Variants in EBF2 observed in about 807,000 individuals in gnomAD.
The protein encoded by EBF2 is transcription factor COE2.
Under a neutral mutation model 72.8 loss-of-function variants are expected in EBF2, and 21 were observed. The ratio of observed to expected loss-of-function variants is 0.29; its 90% CI spans 0.20 to 0.42. The LOEUF is 0.42. EBF2 is among the 10% of genes least tolerant of loss of function. EBF2 has a pLI of 1.00. For synonymous variants in EBF2, 299 were observed against 274.2 expected, an observed-to-expected ratio of 1.09 and a Z score of -0.89; for missense variants, 637 against 731.2, an observed-to-expected ratio of 0.87 and a Z score of 1.49.
chr8:25,893,010 G>A (rs964226088), intron 7 of EBF2, among the ~76,000 whole-genome samples: 1 of 152,286 alleles, frequency 6.6e-6, no homozygotes, highest in African/African-American at 2.4e-5. Context: ...AAGTGCTCAC[G>A]TTCTTATCAA....
intron 7 of EBF2, among the ~76,000 whole-genome samples, chr8:25,907,279 G>T (rs1447319358): frequency 6.6e-6 from 1 of 151,144 alleles, no homozygotes; most frequent in East Asian, 1.9e-4. Flanking sequence ...AATTAGCAGG[G>T]CATGATGGTG....
At chr8:25,981,611 C>T (rs572303144) in intron 6 of EBF2, among the ~76,000 whole-genome samples, 11 of 152,002 alleles carry the variant, frequency 7.2e-5, no homozygotes, top group Admixed American at 3.9e-4. Flanking sequence ...GCCTGGCCAA[C>T]GTGGCAAAAT....
intron 6 of EBF2, among the ~76,000 whole-genome samples, chr8:26,024,694 G>T (rs1398741427): frequency 3.3e-5 from 5 of 152,128 alleles, no homozygotes; most frequent in African/African-American, 1.2e-4. Flanking sequence ...TAATATCTAT[G>T]GAGTGTCTGT....
intron 10 of EBF2, 24 bp from the exon 11 acceptor site, chr8:25,862,821 T>A: frequency 6.5e-7 from 1 of 1,545,068 alleles, no homozygotes. Flanking sequence ...GTCCTCTTTC[T>A]GAGTTGGTAT....
At chr8:25,986,073 A>C (rs1804451196) in intron 6 of EBF2, among the ~76,000 whole-genome samples, 1 of 149,854 alleles carries the variant, frequency 6.7e-6, no homozygotes, top group South Asian at 2.1e-4. Context: ...ATTACATGTG[A>C]CATAGACTTA....
chr8:25,979,816 A>G (rs1223794446), intron 6 of EBF2, among the ~76,000 whole-genome samples: 1 of 152,152 alleles, frequency 6.6e-6, no homozygotes, highest in Admixed American at 6.5e-5. Context: ...ATCCCAGTAC[A>G]GATAAAGGGC....
intron 6 of EBF2, among the ~76,000 whole-genome samples, chr8:25,978,734 C>T (rs1804308137): frequency 6.6e-6 from 1 of 152,218 alleles, no homozygotes; most frequent in Non-Finnish European, 1.5e-5. Context: ...AAGGCGCCTT[C>T]CTCCGGCACA....
Position 26,044,181 on chromosome 8 carries a change from G to T in EBF2, c.131+548C>A, listed in dbSNP as rs1316186534. On this transcript the variant is annotated intron_variant, in intron 1 of 15. Coordinates refer to ENST00000520164, the MANE Select transcript of EBF2 (RefSeq NM_022659.4). This position sits in a 1 kb window ranked among gnomAD's most constrained non-coding sequence, Gnocchi z 4.1. ...GCCTGTCCCCCCTCCCAGAGCTCCC[G>T]GCCGCCTCGTCTTCCCGGGCAGCCG... Among the ~76,000 whole-genome samples the T allele has an allele frequency of 6.6e-6, 1 of 152,138 alleles. No homozygotes were observed. Among genetic ancestry groups the T allele is most frequent in the Admixed American group, 6.5e-5 (1 of 15,272 alleles).
chr8:26,027,236 C>A (rs946164445), intron 6 of EBF2, among the ~76,000 whole-genome samples: 2 of 152,152 alleles, frequency 1.3e-5, no homozygotes, highest in Non-Finnish European at 2.9e-5. Flanking sequence ...AGTTAAGAAA[C>A]ACACTTGAGA....
At chr8:25,978,278 G>C (rs1341397510) in intron 6 of EBF2, among the ~76,000 whole-genome samples, 2 of 83,848 alleles carry the variant, frequency 2.4e-5, no homozygotes, top group African/African-American at 8.9e-5. Context: ...CGGGTTGGGG[G>C]TAACGTGGCC....
intron 6 of EBF2, among the ~76,000 whole-genome samples, chr8:25,964,563 C>A (rs1052997953): frequency 6.6e-6 from 1 of 152,134 alleles, no homozygotes; most frequent in South Asian, 2.1e-4. Flanking sequence ...TCTCTAGAGA[C>A]AGTTCCATGT....
chr8:25,882,295 G>A (rs1322462164), intron 10 of EBF2, among the ~76,000 whole-genome samples: 2 of 152,128 alleles, frequency 1.3e-5, no homozygotes, highest in Non-Finnish European at 2.9e-5. Context: ...CATGCCCTGC[G>A]AGGGGAACAA....
intron 7 of EBF2, among the ~76,000 whole-genome samples, chr8:25,897,223 A>T (rs1016717651): frequency 8.2e-4 from 103 of 125,382 alleles, no homozygotes; most frequent in Middle Eastern, 7.4e-3. Context: ...CTTTTTTTTT[A>T]AAAAAAAATA....
At chr8:25,850,889 AAAG>A (rs1801954295) in intron 14 of EBF2, 128 bp from the exon 15 acceptor site, 2 of 1,097,486 alleles carry the variant, frequency 1.8e-6, no homozygotes, top group Non-Finnish European at 1.3e-6. Context: ...TTAAAAAAAA[AAAG>A]TTGAATGTGA....
At chr8:25,971,724 C>G (rs1460103537) in intron 6 of EBF2, among the ~76,000 whole-genome samples, 1 of 152,160 alleles carries the variant, frequency 6.6e-6, no homozygotes, top group Non-Finnish European at 1.5e-5. Flanking sequence ...GATAGATACA[C>G]CTTTTTGTGT....
In EBF2 at chr8:26,040,599, A is replaced by G; in HGVS notation, c.408+17T>C. 6.4e-7 allele frequency: 1 copy of G among 1,551,604 alleles called. No homozygotes were observed. Among genetic ancestry groups the G allele is most frequent in the Non-Finnish European group, 8.7e-7 (1 of 1,147,100 alleles). On this transcript the variant is annotated intron_variant, in intron 4 of 15. Coordinates refer to ENST00000520164, the MANE Select transcript of EBF2 (RefSeq NM_022659.4). ...GTCAGAGACAGGCGAAGAGAAGCCA[A>G]GTGGCCTCCGGCTCACCTGCTTGGT...
At chr8:25,894,396 C>T (rs888573789) in intron 7 of EBF2, among the ~76,000 whole-genome samples, 14 of 152,144 alleles carry the variant, frequency 9.2e-5, no homozygotes, top group Admixed American at 2.0e-4. Flanking sequence ...AAGTGGAATG[C>T]GCATTCCAAC....
chr8:25,924,183 C>A (rs370757285), intron 6 of EBF2, among the ~76,000 whole-genome samples: 1 of 152,176 alleles, frequency 6.6e-6, no homozygotes, highest in African/African-American at 2.4e-5. Context: ...ACATATCTTC[C>A]CTGTAAAATT....
chr8:25,992,901 CA>C (rs34274233), intron 6 of EBF2, among the ~76,000 whole-genome samples: 33,036 of 144,478 alleles, frequency 0.23, 6,156 homozygotes, highest in African/African-American at 0.5. Context: ...GGCCTTGTCT[CA>C]AAAAAAAAAA....
Sources: allele counts gnomAD v4.1 joint callset (sites outside exome capture counted in the v4.1 genomes callset), GRCh38; gene constraint gnomAD v4.1.1; non-coding constraint Gnocchi (gnomAD v3.1); transcripts MANE v1.5; gene names NCBI Gene and HGNC (gene_info 2026-07-23, HGNC 2026-07-21).